The following ACYP2 variants were observed in gnomAD, a reference collection of about 807,000 sequenced individuals.
ACYP2 encodes the protein acylphosphatase 2.
Under a neutral mutation model 11.2 loss-of-function variants are expected in ACYP2, and 12 were observed. The observed-to-expected ratio is 1.08, with a 90% CI of 0.69 to 1.74. The LOEUF is 1.74. Ranked by LOEUF, ACYP2 falls within the 40% of genes most tolerant of loss-of-function variation. ACYP2 has a pLI of 0.00. For synonymous variants in ACYP2, 43 were observed against 32.2 expected, an observed-to-expected ratio of 1.33 and a Z score of -1.13; for missense variants, 134 against 101.9, an observed-to-expected ratio of 1.31 and a Z score of -1.35.
At chr2:54,069,843 A>G (rs1252870401) in intron 4 of ACYP2, among the ~76,000 whole-genome samples, 2 of 152,254 alleles carry the variant, frequency 1.3e-5, no homozygotes, top group African/African-American at 4.8e-5. Context: ...TTAGCAAGTT[A>G]TATGTGTTTA....
chr2:54,284,870 A>G (rs1485264838), intron 6 of ACYP2, among the ~76,000 whole-genome samples: 1 of 152,232 alleles, frequency 6.6e-6, no homozygotes, highest in Non-Finnish European at 1.5e-5. Context: ...TGTGTTACTT[A>G]AACATTCAGC....
intron 6 of ACYP2, among the ~76,000 whole-genome samples, chr2:54,149,550 T>G (rs1208212401): frequency 1.3e-5 from 2 of 152,202 alleles, no homozygotes; most frequent in Admixed American, 1.3e-4. Context: ...TTCTTAGTAA[T>G]CATGTTAAAT....
At chr2:54,249,570 G>A (rs1410753621) in intron 6 of ACYP2, among the ~76,000 whole-genome samples, 1 of 152,166 alleles carries the variant, frequency 6.6e-6, no homozygotes, top group Non-Finnish European at 1.5e-5. Context: ...GGAGGTCACA[G>A]AACCTTGTGG....
intron 6 of ACYP2, among the ~76,000 whole-genome samples, chr2:54,258,070 G>A (rs936423431): frequency 3.9e-5 from 6 of 152,140 alleles, no homozygotes; most frequent in Non-Finnish European, 5.9e-5. Flanking sequence ...AGGCCCTCTG[G>A]ATATAACGGT....
intron 6 of ACYP2, among the ~76,000 whole-genome samples, chr2:54,173,625 C>T (rs1247931525): frequency 1.3e-5 from 2 of 152,120 alleles, no homozygotes; most frequent in African/African-American, 4.8e-5. Flanking sequence ...ATGCCTATGT[C>T]CTGAATGGTA....
rs181987629 is a variant in ACYP2, at chr2:54,003,099, C to G, written c.62+29289C>G. Among the ~76,000 whole-genome samples, 785 of 152,114 alleles carry G rather than the reference C, an allele frequency of 5.2e-3. 2 individuals are homozygous for G. Among genetic ancestry groups the G allele is most frequent in the Middle Eastern group, 0.01 (3 of 292 alleles). Reference sequence around the variant, plus strand: ...AAGTAGCTGGGATTACAGGCATGCGCCATCATGCACAGCTAATTTTTTTAT... The same window carrying G: ...AAGTAGCTGGGATTACAGGCATGCGGCATCATGCACAGCTAATTTTTTTAT... On this transcript the variant is annotated intron_variant, in intron 2 of 6. Transcript: ENST00000607452.
At chr2:54,249,437 A>C (rs1687109560) in intron 6 of ACYP2, among the ~76,000 whole-genome samples, 1 of 148,630 alleles carries the variant, frequency 6.7e-6, no homozygotes, top group African/African-American at 2.4e-5. Context: ...TCCGTCTCAA[A>C]AAAAAAAAAA....
intron 2 of ACYP2, among the ~76,000 whole-genome samples, chr2:54,041,607 G>A (rs1204876721): frequency 2.6e-5 from 4 of 152,154 alleles, no homozygotes; most frequent in Non-Finnish European, 4.4e-5. Flanking sequence ...GGCTGCACAG[G>A]TGTACGACTG....
intron 2 of ACYP2, among the ~76,000 whole-genome samples, chr2:53,985,881 A>G (rs756849800): frequency 1.3e-5 from 2 of 152,158 alleles, no homozygotes; most frequent in African/African-American, 2.4e-5. Context: ...CATGCCTGTA[A>G]TCCCAGCACT....
intron 6 of ACYP2, among the ~76,000 whole-genome samples, chr2:54,163,795 G>T (rs540383178): frequency 6.6e-6 from 1 of 152,100 alleles, no homozygotes; most frequent in South Asian, 2.1e-4. Flanking sequence ...GACAGAGGTC[G>T]CAGTGGGCCG....
At chr2:54,003,650 GT>G (rs1553351966) in intron 2 of ACYP2, among the ~76,000 whole-genome samples, 1 of 152,040 alleles carries the variant, frequency 6.6e-6, no homozygotes, top group Non-Finnish European at 1.5e-5. Flanking sequence ...AAGGTATCTT[GT>G]TTTTTTCCCC....
At chr2:54,240,803 A>C (rs1686699627) in intron 6 of ACYP2, among the ~76,000 whole-genome samples, 1 of 152,158 alleles carries the variant, frequency 6.6e-6, no homozygotes, top group Non-Finnish European at 1.5e-5. Context: ...TAACATTCTG[A>C]CCCAGACTAT....
At position 54,235,579 on chromosome 2, in the gene ACYP2, TA is replaced by T. The variant is rs1236304793; in HGVS notation, c.405-69107del. On this transcript the variant is annotated intron_variant, in intron 6 of 6. Coordinates refer to ENST00000607452, the MANE Select transcript of ACYP2 (RefSeq NM_001320586.2). ...GTTAGCCAGGATGGTCTCGATCTCCTAACCTCGTGATCTGCCTGCCTTGGCC... is the reference window on the plus strand; with the variant it reads ...GTTAGCCAGGATGGTCTCGATCTCCTACCTCGTGATCTGCCTGCCTTGGCC... 1.1e-4 allele frequency among the ~76,000 whole-genome samples: 16 copies of T among 152,294 alleles called. No individual in the cohort carries two copies. The East Asian group carries it at 2.9e-3, about 28-fold the overall frequency.
At chr2:54,158,797 ATTGAT>A (rs913340071) in intron 6 of ACYP2, among the ~76,000 whole-genome samples, 4 of 152,190 alleles carry the variant, frequency 2.6e-5, no homozygotes, top group African/African-American at 9.7e-5. Flanking sequence ...AAAAAATTGT[ATTGAT>A]TTAAGTAATT....
At chr2:54,029,172 G>GA (rs574570127) in intron 2 of ACYP2, among the ~76,000 whole-genome samples, 15 of 150,668 alleles carry the variant, frequency 1.0e-4, no homozygotes, top group African/African-American at 2.2e-4. Flanking sequence ...CTCAGGAAAA[G>GA]AAAAAAAAAT....
chr2:54,304,865 C>T lies in ACYP2; in HGVS notation c.*63C>T. The T allele has an allele frequency of 1.1e-6, 1 of 875,662 alleles. No homozygotes were observed. Among genetic ancestry groups the T allele is most frequent in the Non-Finnish European group, 1.7e-6 (1 of 575,838 alleles). 54.2% of individuals were successfully genotyped at this position (875,662 alleles called of 1,614,324 possible). A position where few individuals can be genotyped will look rare whatever the true frequency, so the allele number is the denominator to read the frequency against. Reference sequence around the variant, plus strand: ...CTGTATGTTCTTAAGACTATGTATACTAGAATAATAGTAGCAGAGTAGGGT... The same window carrying T: ...CTGTATGTTCTTAAGACTATGTATATTAGAATAATAGTAGCAGAGTAGGGT... On this transcript the variant is annotated 3_prime_UTR_variant, in exon 7 of 7. Transcript: ENST00000607452.
intron 6 of ACYP2, among the ~76,000 whole-genome samples, chr2:54,169,647 GACAA>G (rs1395695039): frequency 6.6e-6 from 1 of 151,964 alleles, no homozygotes; most frequent in Non-Finnish European, 1.5e-5. Flanking sequence ...CAACATTTTT[GACAA>G]ACAGTGCACA....
chr2:54,280,879 C>G (rs1688818943), intron 6 of ACYP2, among the ~76,000 whole-genome samples: 1 of 152,116 alleles, frequency 6.6e-6, no homozygotes, highest in Non-Finnish European at 1.5e-5. Context: ...TTGTATTCCA[C>G]TGAGTGGGTA....
At chr2:54,069,650 A>G (rs1676924384) in intron 4 of ACYP2, among the ~76,000 whole-genome samples, 1 of 152,136 alleles carries the variant, frequency 6.6e-6, no homozygotes, top group African/African-American at 2.4e-5. Context: ...TGACAGAGCA[A>G]GACTCCGTCT....
Sources: allele counts gnomAD v4.1 joint callset (sites outside exome capture counted in the v4.1 genomes callset), GRCh38; gene constraint gnomAD v4.1.1; transcripts MANE v1.5; gene names NCBI Gene and HGNC (gene_info 2026-07-23, HGNC 2026-07-21).